Variants in FAM171A1 observed in about 807,000 individuals in gnomAD.
FAM171A1 encodes the protein protein FAM171A1.
Under a neutral mutation model 74.9 loss-of-function variants are expected in FAM171A1, and 23 were observed. That is an observed-to-expected ratio of 0.31 (90% CI 0.22 to 0.44). The LOEUF is 0.44. Ranked by LOEUF, FAM171A1 falls within the 20% of genes least tolerant of loss-of-function variation. FAM171A1 has a pLI of 1.00. For synonymous variants in FAM171A1, 527 were observed against 505.7 expected, an observed-to-expected ratio of 1.04 and a Z score of -0.57; for missense variants, 1,162 against 1,159.2, an observed-to-expected ratio of 1.00 and a Z score of -0.03.
rs531284081 is a variant in FAM171A1, at chr10:15,234,588, C to A, written c.755-13528G>T. 2.6e-5 allele frequency among the ~76,000 whole-genome samples: 4 copies of A among 151,824 alleles called. No homozygotes were observed. In the East Asian group the frequency reaches 7.8e-4, roughly 29 times the overall value. On this transcript the variant is annotated intron_variant, in intron 5 of 7. Transcript: ENST00000378116. ...AGCCCATGAGCAGTCTCTTTGGTTA[C>A]GGGAGGGGAAAAGTAGCCTAGCGAC...
chr10:15,230,097 G>T (rs370432212), intron 5 of FAM171A1, among the ~76,000 whole-genome samples: 4 of 152,180 alleles, frequency 2.6e-5, no homozygotes, highest in Admixed American at 6.5e-5. Context: ...TTAAGTCTAT[G>T]TTATTGTATA....
At chr10:15,310,621 C>T (rs754892624) in intron 1 of FAM171A1, among the ~76,000 whole-genome samples, 1 of 152,086 alleles carries the variant, frequency 6.6e-6, no homozygotes, top group South Asian at 2.1e-4. Context: ...CAGCACTTTG[C>T]GAGGCCAAGG....
chr10:15,303,282 G>A (rs1182223315), intron 1 of FAM171A1, among the ~76,000 whole-genome samples: 2 of 151,942 alleles, frequency 1.3e-5, no homozygotes, highest in Non-Finnish European at 2.9e-5. Flanking sequence ...AAATTTATAG[G>A]AGTTTTCTAA....
Position 15,214,189 on chromosome 10 carries a change from T to G in FAM171A1, c.1399A>C (p.Lys467Gln). The G allele has an allele frequency of 1.2e-6, 2 of 1,614,152 alleles. No homozygotes were observed. Among genetic ancestry groups the G allele is most frequent in the Non-Finnish European group, 1.7e-6 (2 of 1,180,030 alleles). Residue 467 changes from lysine (K) to glutamine (Q), a missense_variant, in exon 8 of 8, where the codon AAG (lysine) becomes CAG (glutamine). Physicochemically the swap from Lys to Gln is moderately conservative, Grantham distance 53 (BLOSUM62 1). Transcript: ENST00000378116. The stretch of plus-strand genomic sequence containing the variant: ...TCTCTTTCCATAGATTTTCTTGCCT[T>G]TAAGGGAAAAACCTCCACTGACTTA... ...YHKSVEVFPL[K>Q]ARKSMEREGY...
chr10:15,305,494 C>T (rs1835281581), intron 1 of FAM171A1, among the ~76,000 whole-genome samples: 1 of 151,618 alleles, frequency 6.6e-6, no homozygotes, highest in Non-Finnish European at 1.5e-5. Flanking sequence ...CTGGGTGAGA[C>T]CCATCTTTAC....
intron 3 of FAM171A1, among the ~76,000 whole-genome samples, chr10:15,257,460 A>C (rs960166609): frequency 3.3e-5 from 5 of 152,104 alleles, no homozygotes; most frequent in Non-Finnish European, 5.9e-5. Flanking sequence ...TCTCCCCCTG[A>C]TCCTCTGCTT....
intron 3 of FAM171A1, among the ~76,000 whole-genome samples, chr10:15,257,684 C>A (rs1834598468): frequency 6.6e-6 from 1 of 152,088 alleles, no homozygotes; most frequent in Non-Finnish European, 1.5e-5. Flanking sequence ...CTGGGACTGG[C>A]ACGACACGGG....
intron 5 of FAM171A1, among the ~76,000 whole-genome samples, chr10:15,227,558 T>C (rs1834124837): frequency 1.3e-5 from 2 of 152,256 alleles, no homozygotes; most frequent in African/African-American, 2.4e-5. Flanking sequence ...AACTTTGGTA[T>C]TTTTTGTAGA....
chr10:15,298,120 CT>C (rs923640789), intron 1 of FAM171A1, among the ~76,000 whole-genome samples: 50 of 147,284 alleles, frequency 3.4e-4, no homozygotes, highest in East Asian at 7.9e-4. Flanking sequence ...TCCCAATCTT[CT>C]TTTTTTTTTT....
intron 1 of FAM171A1, among the ~76,000 whole-genome samples, chr10:15,334,797 C>T (rs1349732246): frequency 2.0e-5 from 3 of 152,216 alleles, no homozygotes; most frequent in Non-Finnish European, 2.9e-5. Context: ...TTGGAATGTA[C>T]TGCCTGCCAC....
intron 1 of FAM171A1, among the ~76,000 whole-genome samples, chr10:15,367,851 G>A (rs769511790): frequency 6.6e-6 from 1 of 152,218 alleles, no homozygotes; most frequent in Non-Finnish European, 1.5e-5. Context: ...AGATGTCTGA[G>A]CATGAAGTTC....
chr10:15,281,368 T>C (rs1056481063), intron 2 of FAM171A1, among the ~76,000 whole-genome samples: 8 of 152,152 alleles, frequency 5.3e-5, no homozygotes, highest in African/African-American at 1.9e-4. Flanking sequence ...AGAAAAATAA[T>C]CACAGACATG....
In FAM171A1 at chr10:15,266,265, G is replaced by T. The variant is rs80323815; in HGVS notation, c.418+9590C>A. Among the ~76,000 whole-genome samples, 165 of 152,208 alleles carry T rather than the reference G, an allele frequency of 1.1e-3. 2 individuals are homozygous for T. The highest frequency in any genetic ancestry group is 1.5e-3 in the Admixed American group (23 of 15,284). On this transcript the variant is annotated intron_variant, in intron 3 of 7. Transcript: ENST00000378116. ...TCCCAGGAAAAGAAAGGGGACGAGAGCTGCTGGGTCCCACCTGCGGCCACA... is the reference window on the plus strand; with the variant it reads ...TCCCAGGAAAAGAAAGGGGACGAGATCTGCTGGGTCCCACCTGCGGCCACA...
intron 3 of FAM171A1, among the ~76,000 whole-genome samples, chr10:15,267,238 C>T (rs1333434949): frequency 2.6e-5 from 4 of 152,182 alleles, no homozygotes; most frequent in East Asian, 1.9e-4. Context: ...GGAATGCCAG[C>T]GTGCATGGGC....
intron 4 of FAM171A1, among the ~76,000 whole-genome samples, chr10:15,252,308 A>G (rs980128755): frequency 2.0e-5 from 3 of 152,158 alleles, no homozygotes; most frequent in Non-Finnish European, 2.9e-5. Flanking sequence ...TGGTACCCCC[A>G]GAAAACAGCC....
chr10:15,239,889 T>C (rs1834342231), intron 5 of FAM171A1, among the ~76,000 whole-genome samples: 1 of 152,254 alleles, frequency 6.6e-6, no homozygotes, highest in Non-Finnish European at 1.5e-5. Flanking sequence ...ACTTACCTGC[T>C]GAACATACTT....
At chr10:15,316,154 A>G (rs1835419228) in intron 1 of FAM171A1, among the ~76,000 whole-genome samples, 2 of 152,178 alleles carry the variant, frequency 1.3e-5, no homozygotes. Context: ...CCTTATTTTG[A>G]ACTCACAGGT....
chr10:15,217,401 A>C (rs1833980340), intron 6 of FAM171A1, among the ~76,000 whole-genome samples: 1 of 152,186 alleles, frequency 6.6e-6, no homozygotes, highest in African/African-American at 2.4e-5. Flanking sequence ...GATTTTTGAC[A>C]TTCTAAGACA....
intron 1 of FAM171A1, among the ~76,000 whole-genome samples, chr10:15,309,207 T>C (rs933505066): frequency 1.3e-5 from 2 of 152,154 alleles, no homozygotes; most frequent in African/African-American, 4.8e-5. Flanking sequence ...AGAAACCAAA[T>C]TTAACTTACT....
Sources: allele counts gnomAD v4.1 joint callset (sites outside exome capture counted in the v4.1 genomes callset), GRCh38; gene constraint gnomAD v4.1.1; transcripts MANE v1.5; gene names NCBI Gene and HGNC (gene_info 2026-07-23, HGNC 2026-07-21).